The following SHQ1 variants were observed in gnomAD, a reference collection of about 807,000 sequenced individuals.
The protein encoded by SHQ1 is protein SHQ1 homolog.
Under a neutral mutation model 53.8 loss-of-function variants are expected in SHQ1, and 49 were observed. The ratio of observed to expected loss-of-function variants is 0.91; its 90% CI spans 0.72 to 1.16. SHQ1 has a LOEUF of 1.16. Among genes scored for constraint, SHQ1 ranks in the 50% most tolerant of loss-of-function variants. The pLI is 0.00. For synonymous variants in SHQ1, 243 were observed against 251.0 expected (o/e 0.97, Z 0.30); for missense variants, 738 against 683.1 (o/e 1.08, Z -0.90).
At chr3:72,792,777 T>C (rs1489906161) in intron 10 of SHQ1, 139 bp downstream of exon 10, 7 of 641,412 alleles carry the variant, frequency 1.1e-5, no homozygotes, top group Non-Finnish European at 1.6e-5. Context: ...AGGGCAAACC[T>C]CCATCTCAAA....
At chr3:72,756,944 T>A (rs185128200) in intron 10 of SHQ1, among the ~76,000 whole-genome samples, 2 of 152,344 alleles carry the variant, frequency 1.3e-5, no homozygotes, top group African/African-American at 4.8e-5. Context: ...TATTTTACAT[T>A]TGGTGACTGT....
At chr3:72,816,193 T>G (rs959986973) in intron 7 of SHQ1, among the ~76,000 whole-genome samples, 3 of 152,064 alleles carry the variant, frequency 2.0e-5, no homozygotes, top group African/African-American at 7.2e-5. Flanking sequence ...TCTAATACCA[T>G]CCTAGTGCTA....
At chr3:72,754,216 A>T (rs1361115152) in intron 10 of SHQ1, among the ~76,000 whole-genome samples, 2 of 152,028 alleles carry the variant, frequency 1.3e-5, no homozygotes, top group Non-Finnish European at 2.9e-5. Context: ...CAGATGAGGG[A>T]ACTAGAGCTT....
chr3:72,751,508 G>GTATATATATATATA (rs371779807), intron 10 of SHQ1, among the ~76,000 whole-genome samples: 8 of 116,982 alleles, frequency 6.8e-5, no homozygotes, highest in African/African-American at 3.1e-4. Flanking sequence ...GTGTGTGTGT[G>GTATATATATATATA]TATATATATA....
At chr3:72,752,178 CT>C (rs1486033516) in intron 10 of SHQ1, among the ~76,000 whole-genome samples, 1 of 152,178 alleles carries the variant, frequency 6.6e-6, no homozygotes, top group Non-Finnish European at 1.5e-5. Context: ...CCAATCCAGA[CT>C]TACTGCTTAG....
At chr3:72,729,936 G>C in the SHQ1 span, among the ~76,000 whole-genome samples, 3 of 151,700 alleles carry the variant, frequency 2.0e-5, no homozygotes, top group South Asian at 6.3e-4. Context: ...CTCCTGCCTC[G>C]GCCTCCCGAG....
chr3:72,764,490 T>A (rs1352894849), intron 10 of SHQ1, among the ~76,000 whole-genome samples: 1 of 152,318 alleles, frequency 6.6e-6, no homozygotes, highest in East Asian at 1.9e-4. Context: ...TCTCAAAAAC[T>A]AAACCGAAGT....
intron 9 of SHQ1, among the ~76,000 whole-genome samples, chr3:72,809,024 G>A (rs1336203312): frequency 6.6e-6 from 1 of 152,182 alleles, no homozygotes; most frequent in Non-Finnish European, 1.5e-5. Context: ...TAAACCAAGA[G>A]AAAGGGGGTT....
At chr3:72,844,300 T>TA in intron 2 of SHQ1, 59 bp downstream of exon 2, 1 of 1,379,116 alleles carries the variant, frequency 7.3e-7, no homozygotes, top group Non-Finnish European at 1.0e-6. Flanking sequence ...GTAAGATTAT[T>TA]ATGTAAATAA....
intron 6 of SHQ1, among the ~76,000 whole-genome samples, chr3:72,822,231 CTCAAGT>C (rs1707498707): frequency 1.3e-5 from 2 of 152,164 alleles, no homozygotes; most frequent in South Asian, 4.1e-4. Context: ...CGACACAAAG[CTCAAGT>C]TCGTCTACCT....
rs75170841 is a variant in SHQ1 at position 72,780,399 on chromosome 3, G to A, written c.1181+12517C>T. 5.6e-4 allele frequency among the ~76,000 whole-genome samples: 85 copies of A among 152,276 alleles called. 1 individual carries two copies. Among genetic ancestry groups the A allele is most frequent in the African/African-American group, 2.0e-3 (84 of 41,556 alleles). ...GCAGACAGGACAAATGCTGACAACT[G>A]TAATTTTAAATATCAAGTTGAAAGT... On this transcript the variant is annotated intron_variant, in intron 10 of 10. Transcript: ENST00000325599.
the SHQ1 span, among the ~76,000 whole-genome samples, chr3:72,730,482 A>C: frequency 6.6e-6 from 1 of 152,196 alleles, no homozygotes; most frequent in Non-Finnish European, 1.5e-5. Flanking sequence ...CTTGATATAT[A>C]ATGTGGGAGA....
At chr3:72,736,991 C>T in the SHQ1 span, among the ~76,000 whole-genome samples, 3 of 148,926 alleles carry the variant, frequency 2.0e-5, no homozygotes, top group Non-Finnish European at 4.5e-5. Context: ...AGGGTTAGGC[C>T]GGGGGTGGTG....
At chr3:72,735,708 G>GGA in the SHQ1 span, among the ~76,000 whole-genome samples, 13 of 139,194 alleles carry the variant, frequency 9.3e-5, no homozygotes, top group African/African-American at 3.5e-4. Flanking sequence ...AAGAGAGAGA[G>GGA]AGAGGAAGGA....
At chr3:72,728,746 C>T in the SHQ1 span, among the ~76,000 whole-genome samples, 1 of 152,216 alleles carries the variant, frequency 6.6e-6, no homozygotes, top group East Asian at 1.9e-4. Context: ...AGTTAGGAAG[C>T]AAATCAACAG....
intron 8 of SHQ1, among the ~76,000 whole-genome samples, chr3:72,813,017 CA>C (rs1707174532): frequency 6.6e-6 from 1 of 152,152 alleles, no homozygotes; most frequent in South Asian, 2.1e-4. Flanking sequence ...CAATACATCA[CA>C]AATGTCACAA....
chr3:72,729,364 T>C, the SHQ1 span, among the ~76,000 whole-genome samples: 1 of 152,174 alleles, frequency 6.6e-6, no homozygotes, highest in Non-Finnish European at 1.5e-5. Context: ...CCTGTGAGAA[T>C]GAAGATTCTT....
Position 72,796,282 on chromosome 3 carries a change from C to T in SHQ1, c.1061-3246G>A, listed in dbSNP as rs981805436. Among the ~76,000 whole-genome samples the T allele has an allele frequency of 5.3e-5, 8 of 151,894 alleles. No individual in the cohort carries two copies. The East Asian group carries it at 9.7e-4, about 18-fold the overall frequency. Reference sequence around the variant, plus strand: ...TGCACTTGGACAGACTGAGTGAGAACGTCTCTAAACTTAGGTGTGGGCAGT... The same window carrying T: ...TGCACTTGGACAGACTGAGTGAGAATGTCTCTAAACTTAGGTGTGGGCAGT... On this transcript the variant is annotated intron_variant, in intron 9 of 10. Coordinates refer to ENST00000325599, the MANE Select transcript of SHQ1 (RefSeq NM_018130.3).
chr3:72,812,767 C>T lies in SHQ1; in HGVS notation c.964G>A (p.Val322Met), dbSNP rs957910250. Residue 322 changes from valine (V) to methionine (M), a missense_variant, in exon 9 of 11, where the codon GTG becomes ATG. Coordinates refer to ENST00000325599, the MANE Select transcript of SHQ1 (RefSeq NM_018130.3). The part of the protein sequence containing the change: ...ETWTNVHDIM[V>M]SFGRRVLCYP... ...CACAACACCCTTCTTCCAAAAGACA[C>T]CATGATATCATGAACGTTAGTCCAA... 6 of 1,614,006 alleles carry T rather than the reference C, an allele frequency of 3.7e-6. No homozygotes were observed. Among genetic ancestry groups the T allele is most frequent in the Non-Finnish European group, 5.1e-6 (6 of 1,179,972 alleles).
Sources: allele counts gnomAD v4.1 joint callset (sites outside exome capture counted in the v4.1 genomes callset), GRCh38; gene constraint gnomAD v4.1.1; transcripts MANE v1.5; gene names NCBI Gene and HGNC (gene_info 2026-07-23, HGNC 2026-07-21).